Variants in COPS4 observed in about 807,000 individuals in gnomAD.
The protein encoded by COPS4 is COP9 signalosome subunit 4, also known as COP9 signalosome complex subunit 4.
In COPS4, 8 loss-of-function variants were observed where a neutral mutation model predicts 55.1. That is an observed-to-expected ratio of 0.15 (90% CI 0.09 to 0.26). The LOEUF (loss-of-function observed/expected upper bound fraction) is 0.26, where lower values mean the gene tolerates loss of function less well. COPS4 is among the 10% of genes least tolerant of loss of function. The probability of loss-of-function intolerance (pLI) is 1.00; values close to 1 mark genes in which losing one functional copy is unlikely to be tolerated. For synonymous variants in COPS4, 185 were observed against 165.7 expected, an observed-to-expected ratio of 1.12 and a Z score of -0.90; for missense variants, 248 against 484.0, an observed-to-expected ratio of 0.51 and a Z score of 4.58.
At chr4:83,066,577 T>A in intron 8 of COPS4, 24 bp downstream of exon 8, 1 of 1,181,302 alleles carries the variant, frequency 8.5e-7, no homozygotes, top group Non-Finnish European at 1.2e-6. Flanking sequence ...TCCAATACAT[T>A]TAAAAAAAAG....
At chr4:83,069,387 G>A (rs1193755620) in intron 9 of COPS4, among the ~76,000 whole-genome samples, 3 of 152,086 alleles carry the variant, frequency 2.0e-5, no homozygotes, top group African/African-American at 7.2e-5. Flanking sequence ...TGACCTTATT[G>A]GAGTTTCTGG....
At chr4:83,073,253 T>C in intron 9 of COPS4, 1 of 695,506 alleles carries the variant, frequency 1.4e-6, no homozygotes, top group Non-Finnish European at 2.6e-6. Context: ...TTACCTAGTC[T>C]GGATAGTTCA....
chr4:83,042,643 C>G (rs747247866), intron 1 of COPS4, among the ~76,000 whole-genome samples: 3 of 151,440 alleles, frequency 2.0e-5, no homozygotes, highest in Non-Finnish European at 2.9e-5. Context: ...ACTCTGTTGC[C>G]CAGGTTGGAG....
intron 2 of COPS4, among the ~76,000 whole-genome samples, chr4:83,047,695 C>T (rs1386940176): frequency 6.6e-6 from 1 of 152,092 alleles, no homozygotes; most frequent in Non-Finnish European, 1.5e-5. Context: ...TTCATATTAA[C>T]TGCTGCTTTA....
At chr4:83,049,351 G>C in intron 3 of COPS4, 34 bp downstream of exon 3, 2 of 1,522,846 alleles carry the variant, frequency 1.3e-6, no homozygotes, top group Non-Finnish European at 1.8e-6. Flanking sequence ...TTTAACTTGA[G>C]ATAGCAGCAG....
At chr4:83,063,730 A>G (rs952060975) in intron 7 of COPS4, among the ~76,000 whole-genome samples, 1 of 150,196 alleles carries the variant, frequency 6.7e-6, no homozygotes, top group African/African-American at 2.5e-5. Context: ...ATTTTTTGAG[A>G]CAGAGTTTTA....
intron 4 of COPS4, among the ~76,000 whole-genome samples, chr4:83,054,158 T>C (rs902023511): frequency 3.3e-5 from 5 of 151,898 alleles, no homozygotes; most frequent in African/African-American, 9.7e-5. Context: ...CTGGCTAACA[T>C]GGTGAAACCA....
intron 2 of COPS4, 21 bp downstream of exon 2, chr4:83,045,726 A>G (rs1641618081): frequency 6.4e-7 from 1 of 1,565,402 alleles, no homozygotes; most frequent in Non-Finnish European, 8.8e-7. Context: ...TGGAAATTTC[A>G]TGCTTGCCTT....
At chr4:83,065,947 G>A (rs1731281980) in intron 7 of COPS4, among the ~76,000 whole-genome samples, 1 of 152,190 alleles carries the variant, frequency 6.6e-6, no homozygotes, top group Non-Finnish European at 1.5e-5. Flanking sequence ...TTGAGGGTAG[G>A]TGAGAACTGC....
chr4:83,049,116 G>A (rs1730793461), intron 2 of COPS4, 50 bp from the exon 3 acceptor site: 1 of 1,529,484 alleles, frequency 6.5e-7, no homozygotes, highest in Non-Finnish European at 8.8e-7. Context: ...ATTGTTTAAT[G>A]ACAATTTATC....
At chr4:83,065,175 T>C in intron 7 of COPS4, 1 of 474,244 alleles carries the variant, frequency 2.1e-6, no homozygotes, top group Non-Finnish European at 3.8e-6. Flanking sequence ...TGCACCTGCC[T>C]GCTTTTTTGA....
chr4:83,074,653 T>TC (rs1560446292), intron 9 of COPS4, among the ~76,000 whole-genome samples: 1 of 151,084 alleles, frequency 6.6e-6, no homozygotes, highest in Non-Finnish European at 1.5e-5. Flanking sequence ...ACTTTTCTTT[T>TC]TTTTTTTTTA....
At chr4:83,074,282 AG>A (rs1452602321) in intron 9 of COPS4, among the ~76,000 whole-genome samples, 2 of 152,142 alleles carry the variant, frequency 1.3e-5, no homozygotes, top group African/African-American at 2.4e-5. Flanking sequence ...TTGTTGGGTT[AG>A]TCGGTTTTAT....
chr4:83,063,165 C>T lies in COPS4; in HGVS notation c.805C>T (p.Leu269=), dbSNP rs754951130. The change falls in exon 7 of 10, where the codon CTA becomes TTA. Residue 269 remains leucine (L), a synonymous_variant. Coordinates refer to ENST00000264389, the MANE Select transcript of COPS4 (RefSeq NM_016129.3). The part of the protein sequence containing the change: ...AAYGILEKMY[L]DRIIRGNQLQ... ...CTATGGGATCCTAGAGAAAATGTAT[C>T]TAGATAGGATCATCAGAGGAAATCA... The T allele has an allele frequency of 6.2e-7, 1 of 1,611,944 alleles. No homozygotes were observed. The highest frequency in any genetic ancestry group is 8.5e-7 in the Non-Finnish European group (1 of 1,179,314).
intron 6 of COPS4, among the ~76,000 whole-genome samples, chr4:83,058,757 G>C (rs1161875861): frequency 6.6e-6 from 1 of 151,896 alleles, no homozygotes; most frequent in African/African-American, 2.4e-5. Context: ...GTTTTCTATT[G>C]TCTGGCTTTA....
chr4:83,050,308 T>A (rs907069781), intron 4 of COPS4, among the ~76,000 whole-genome samples: 1 of 152,106 alleles, frequency 6.6e-6, no homozygotes, highest in Non-Finnish European at 1.5e-5. Flanking sequence ...TTGTTGTTGT[T>A]GTTTTTTGTG....
At chr4:83,048,402 T>C (rs1180669216) in intron 2 of COPS4, among the ~76,000 whole-genome samples, 1 of 152,228 alleles carries the variant, frequency 6.6e-6, no homozygotes, top group Non-Finnish European at 1.5e-5. Context: ...TGGCAATAAC[T>C]GTACTGGCAG....
intron 4 of COPS4, among the ~76,000 whole-genome samples, chr4:83,050,185 A>AT (rs1730854889): frequency 6.6e-6 from 1 of 152,096 alleles, no homozygotes. Flanking sequence ...AAATAGGGTG[A>AT]TTGGGGTAGT....
chr4:83,035,324 G>A (rs1333012578), intron 1 of COPS4, 26 bp downstream of exon 1: 4 of 1,508,640 alleles, frequency 2.7e-6, no homozygotes, highest in African/African-American at 1.4e-5. Context: ...GAACGCGGGA[G>A]TACAGAGGTG....
Sources: allele counts gnomAD v4.1 joint callset (sites outside exome capture counted in the v4.1 genomes callset), GRCh38; gene constraint gnomAD v4.1.1; transcripts MANE v1.5; gene names NCBI Gene and HGNC (gene_info 2026-07-23, HGNC 2026-07-21).